The following STAB1 variants were observed in gnomAD, a reference collection of about 807,000 sequenced individuals.
The protein encoded by STAB1 is stabilin 1.
STAB1 carries 250 observed loss-of-function variants against 332.4 expected under a neutral mutation model. The observed-to-expected ratio is 0.75, with a 90% CI of 0.68 to 0.84. STAB1 has a LOEUF of 0.84. STAB1 is among the 40% of genes least tolerant of loss of function. The pLI, the probability that STAB1 is intolerant of heterozygous loss-of-function variation, is 0.00. For synonymous variants in STAB1, 1,475 were observed against 1,390.4 expected, an observed-to-expected ratio of 1.06 and a Z score of -1.35; for missense variants, 3,249 against 3,489.7, an observed-to-expected ratio of 0.93 and a Z score of 1.74.
chr3:52,508,184 C>T, intron 20 of STAB1, 89 bp from the exon 21 acceptor site: 2 of 1,408,602 alleles, frequency 1.4e-6, no homozygotes, highest in Middle Eastern at 2.0e-4. Context: ...CACTCCGTCA[C>T]TCTGGAGATG....
In STAB1 at chr3:52,524,345, A is replaced by C. The variant is rs774870460; in HGVS notation, c.7702A>C (p.Thr2568Pro). The stretch of plus-strand genomic sequence containing the variant: ...CTTCCCTGACACCCAGAGGATCCTC[A>C]CAGTCAAGTGACGAGGCTGGGGCTG... ...EDFPDTQRIL[T>P]VK is the part of the protein sequence containing the mutation. Residue 2568 changes from threonine to proline, a missense_variant, in exon 69 of 69, where the codon ACA becomes CCA. Physicochemically the swap from Thr to Pro is conservative, Grantham distance 38. Coordinates refer to ENST00000321725, the MANE Select transcript of STAB1 (RefSeq NM_015136.3). 7 of 1,613,850 alleles carry C rather than the reference A, an allele frequency of 4.3e-6. No individual in the cohort carries two copies. Among genetic ancestry groups the C allele is most frequent in the Non-Finnish European group, 5.9e-6 (7 of 1,180,006 alleles).
chr3:52,520,428 C>G lies in STAB1; in HGVS notation c.5528C>G (p.Ala1843Gly), dbSNP rs750870445. 1.2e-6 allele frequency: 2 copies of G among 1,612,480 alleles called. No homozygotes were observed. The highest frequency in any genetic ancestry group is 1.7e-6 in the Non-Finnish European group (2 of 1,179,574). ...GAGCTCATGGTGGGTGAGGATGATG[C>G]TCGCATTGTGCAGCGGCACTTGCCC... ...AGELMVGEDDARIVQRHLPFE... is the reference protein window; with the variant it reads ...AGELMVGEDDGRIVQRHLPFE... Residue 1843 changes from alanine (A) to glycine (G), a missense_variant, in exon 53 of 69, where the codon GCT becomes GGT. By Grantham distance (60) the Ala-to-Gly change is moderately conservative. Coordinates refer to ENST00000321725, the MANE Select transcript of STAB1 (RefSeq NM_015136.3).
chr3:52,511,837 T>G (rs1559695055), intron 26 of STAB1, 92 bp downstream of exon 26: 4 of 985,878 alleles, frequency 4.1e-6, no homozygotes, highest in East Asian at 2.7e-5. Flanking sequence ...TCTGGGTGTC[T>G]CTCTGTACCC....
At chr3:52,506,519 A>G (rs1708880650) in intron 17 of STAB1, among the ~76,000 whole-genome samples, 173 bp from the exon 18 acceptor site, 1 of 152,226 alleles carries the variant, frequency 6.6e-6, no homozygotes, top group Admixed American at 6.5e-5. Flanking sequence ...CGCAGCCTGG[A>G]GCAGTGTCGT....
Position 52,505,730 on chromosome 3 carries a change from T to C in STAB1, c.1644T>C (p.Asn548=). Residue 548 remains asparagine (N), a synonymous_variant, in exon 15 of 69, where the codon AAT becomes AAC. Coordinates refer to ENST00000321725, the MANE Select transcript of STAB1 (RefSeq NM_015136.3). ...CCTTCACAGTCTTTGCCCCAAGCAA[T>C]GAGGCTGTGGACAGCTTGCGTGACG... ...PGPFTVFAPS[N]EAVDSLRDGR... is the part of the protein sequence containing the mutation. 3 of 1,613,882 alleles carry C rather than the reference T, an allele frequency of 1.9e-6. No individual in the cohort carries two copies. Among genetic ancestry groups the C allele is most frequent in the Non-Finnish European group, 2.5e-6 (3 of 1,180,032 alleles).
intron 59 of STAB1, 25 bp downstream of exon 59, chr3:52,522,255 G>C (rs1159325781): frequency 9.9e-6 from 16 of 1,611,728 alleles, no homozygotes; most frequent in Non-Finnish European, 1.3e-5. Flanking sequence ...GAACCGAGTA[G>C]CCAGGGTGGG....
chr3:52,520,812 T>G lies in STAB1; in HGVS notation c.5715T>G (p.Pro1905=). The change falls in exon 55 of 69, where the codon CCT becomes CCG. Residue 1905 remains proline, a synonymous_variant. Transcript: ENST00000321725. ...TGACTCCTTTGGCCCAGGGCAGCCC[T>G]GAGGCCTGCTGGCGCTTCTACCCGA... ...CPEGSQEQGS[P]EACWRFYPKF... is the part of the protein sequence containing the mutation. The G allele has an allele frequency of 6.2e-7, 1 of 1,612,808 alleles. No individual in the cohort carries two copies. The highest frequency in any genetic ancestry group is 2.2e-5 in the East Asian group (1 of 44,886).
chr3:52,504,766 C>G lies in STAB1; in HGVS notation c.1267C>G (p.Gln423Glu), dbSNP rs774011773. ...ATCCCTTGCCCAGCAGCTCTGTAGA[C>G]AGCACATCATCGCAGGGCAGCACAT... Reference protein sequence around the residue: ...NASLAQQLCRQHIIAGQHILE... With the variant: ...NASLAQQLCREHIIAGQHILE... Residue 423 changes from glutamine to glutamate, a missense_variant, in exon 12 of 69, where the codon CAG becomes GAG. Gln to Glu is a conservative substitution (Grantham distance 29). Transcript: ENST00000321725. 3 of 1,613,770 alleles carry G rather than the reference C, an allele frequency of 1.9e-6. No individual in the cohort carries two copies. The highest frequency in any genetic ancestry group is 2.5e-6 in the Non-Finnish European group (3 of 1,180,044).
In STAB1 at chr3:52,520,555, G is replaced by A. The variant is rs900285147; in HGVS notation, c.5649+6G>A. 1.9e-6 allele frequency: 3 copies of A among 1,610,980 alleles called. No homozygotes were observed. Among genetic ancestry groups the A allele is most frequent in the Non-Finnish European group, 1.7e-6 (2 of 1,178,502 alleles). On this transcript the variant is annotated splice_donor_region_variant and intron_variant, in intron 53 of 68. Transcript: ENST00000321725. ...AGACCCGGCCCCTGCGACTGGTGAG[G>A]GAGGCCAGAGGCAGACGGGCAGAAG...
chr3:52,522,321 C>T lies in STAB1; in HGVS notation c.6466-9C>T, dbSNP rs553636193. 1.3e-4 allele frequency: 216 copies of T among 1,612,862 alleles called. 3 individuals are homozygous for T. The South Asian group carries it at 2.3e-3, about 17-fold the overall frequency. On this transcript the variant is annotated splice_polypyrimidine_tract_variant and intron_variant, in intron 59 of 68. Transcript: ENST00000321725. ...GGTGAAGGGCGCCCACTGCTCTCTC[C>T]AACCCCAGAACACACGGCGCTGTGA...
At chr3:52,511,018 C>T (rs1376944564) in intron 25 of STAB1, among the ~76,000 whole-genome samples, 1 of 152,230 alleles carries the variant, frequency 6.6e-6, no homozygotes, top group African/African-American at 2.4e-5. Context: ...GGCTCCCTGT[C>T]CTCCCAACTC....
chr3:52,517,355 C>T lies in STAB1; in HGVS notation c.4525C>T (p.His1509Tyr). 6.2e-7 allele frequency: 1 copy of T among 1,604,326 alleles called. No individual in the cohort carries two copies. The highest frequency in any genetic ancestry group is 1.7e-5 in the Admixed American group (1 of 58,330). ...CTGTCTCATCCACCACGGGGGCTGCCACATTCACGCCGAGTGCATCCCCAC... is the reference window on the plus strand; with the variant it reads ...CTGTCTCATCCACCACGGGGGCTGCTACATTCACGCCGAGTGCATCCCCAC... ...NSCLIHHGGC[H>Y]IHAECIPTGP... The change falls in exon 43 of 69, where the codon CAC becomes TAC. Residue 1509 changes from histidine to tyrosine, a missense_variant. Coordinates refer to ENST00000321725, the MANE Select transcript of STAB1 (RefSeq NM_015136.3).
chr3:52,519,669 G>A, intron 50 of STAB1, 105 bp downstream of exon 50: 3 of 1,483,800 alleles, frequency 2.0e-6, no homozygotes, highest in Non-Finnish European at 2.8e-6. Context: ...TGTGCACACT[G>A]TCCCGTGTGA....
At position 52,520,184 on chromosome 3, in the gene STAB1, C is replaced by T; in HGVS notation, c.5413-20C>T. 6.2e-7 allele frequency: 1 copy of T among 1,613,202 alleles called. No homozygotes were observed. The highest frequency in any genetic ancestry group is 8.5e-7 in the Non-Finnish European group (1 of 1,180,006). On this transcript the variant is annotated intron_variant, in intron 51 of 68. Transcript: ENST00000321725. Reference sequence around the variant, plus strand: ...GCTCAGCCTGCCTTTCCACCTCCAACCATGACTCCACTTGCTCAGGCCTTG... The same window carrying T: ...GCTCAGCCTGCCTTTCCACCTCCAATCATGACTCCACTTGCTCAGGCCTTG...
rs1469636516 is a variant in STAB1, at chr3:52,516,753, G to A, written c.4348G>A (p.Gly1450Ser). Reference sequence around the variant, plus strand: ...CTGTGCTGCGGGATACTCCGGCAATGGCATCTTCTGTTCAGGTCCAGCCAC... The same window carrying A: ...CTGTGCTGCGGGATACTCCGGCAATAGCATCTTCTGTTCAGGTCCAGCCAC... ...CACAAGYSGN[G>S]IFCSEVDPCA... Residue 1450 changes from glycine to serine, a missense_variant, in exon 41 of 69, where the codon GGC becomes AGC. Transcript: ENST00000321725. 1.2e-6 allele frequency: 2 copies of A among 1,610,050 alleles called. No homozygotes were observed. The highest frequency in any genetic ancestry group is 1.7e-5 in the Admixed American group (1 of 59,748).
At chr3:52,519,762 C>A in intron 50 of STAB1, 182 bp from the exon 51 acceptor site, 4 of 1,127,504 alleles carry the variant, frequency 3.5e-6, no homozygotes, top group Non-Finnish European at 5.0e-6. Context: ...CTTATGTGTG[C>A]CCACATTCCT....
Position 52,505,081 on chromosome 3 carries a change from G to A in STAB1, c.1456G>A (p.Val486Ile), listed in dbSNP as rs750901128. Residue 486 changes from valine (V) to isoleucine (I), a missense_variant, in exon 13 of 69, where the codon GTC becomes ATC. Coordinates refer to ENST00000321725, the MANE Select transcript of STAB1 (RefSeq NM_015136.3). ...YKANNIAANG[V>I]FHVVTGLRWQ... ...GGCCAACAACATAGCAGCTAATGGC[G>A]TCTTCCACGTGGTCACTGGCCTGCG... The A allele has an allele frequency of 1.4e-5, 23 of 1,613,728 alleles. No homozygotes were observed. Among genetic ancestry groups the A allele is most frequent in the South Asian group, 9.9e-5 (9 of 91,084 alleles).
chr3:52,510,291 C>T, intron 24 of STAB1, 56 bp downstream of exon 24: 1 of 1,613,790 alleles, frequency 6.2e-7, no homozygotes, highest in Non-Finnish European at 8.5e-7. Context: ...AGGTGGGATG[C>T]CCTGGCCCTC....
Position 52,501,687 on chromosome 3 carries a change from C to T in STAB1, c.265C>T (p.Arg89Trp), listed in dbSNP as rs772369310. 1.0e-5 allele frequency: 16 copies of T among 1,581,012 alleles called. No individual in the cohort carries two copies. Among genetic ancestry groups the T allele is most frequent in the East Asian group, 4.7e-5 (2 of 42,766 alleles). Residue 89 changes from arginine (R) to tryptophan (W), a missense_variant, in exon 3 of 69, where the codon CGG becomes TGG. Transcript: ENST00000321725. ...TATGGTGTCCATGAGCGGCTGCAGA[C>T]GGAAGTGCCGGAAGCAAGTGGTGCA... ...GSMVSMSGCR[R>W]KCRKQVVQKA...
Sources: gnomAD v4.1 joint callset for allele counts (sites outside exome capture counted in the v4.1 genomes callset) on GRCh38, gnomAD v4.1.1 for gene constraint, MANE v1.5 for transcripts, NCBI Gene and HGNC (gene_info 2026-07-23, HGNC 2026-07-21) for gene names.